FTSJ1: variants seen among roughly 807,000 people sequenced by gnomAD.
The protein encoded by FTSJ1 is FtsJ RNA 2'-O-methyltransferase 1, also known as tRNA (cytidine(32)/guanosine(34)-2'-O)-methyltransferase.
In FTSJ1, 3 loss-of-function variants were observed where a neutral mutation model predicts 28.5. That is an observed-to-expected ratio of 0.11 (90% CI 0.05 to 0.27). FTSJ1 has a LOEUF of 0.27. Ranked by LOEUF, FTSJ1 falls within the 10% of genes least tolerant of loss-of-function variation. The pLI is 1.00. For synonymous variants in FTSJ1, 104 were observed against 113.9 expected, an observed-to-expected ratio of 0.91 and a Z score of 0.55; for missense variants, 162 against 279.0, an observed-to-expected ratio of 0.58 and a Z score of 2.99.
chrX:48,478,938 T>C, intron 4 of FTSJ1, 100 bp from the exon 5 acceptor site: 5 of 680,984 alleles, frequency 7.3e-6, no homozygotes, highest in Non-Finnish European at 1.2e-5. Flanking sequence ...AGCCTGGGAA[T>C]TTGGCTGACC....
intron 1 of FTSJ1, among the ~76,000 whole-genome samples, chrX:48,477,200 A>T (rs782318686): frequency 9.9e-5 from 11 of 111,268 alleles, no homozygotes; most frequent in Middle Eastern, 4.7e-3. Flanking sequence ...TGATGGATCC[A>T]TGGAGAGCAG....
At chrX:48,479,434 A>G (rs1395443081) in intron 5 of FTSJ1, among the ~76,000 whole-genome samples, 3 of 112,754 alleles carry the variant, frequency 2.7e-5, no homozygotes, top group Non-Finnish European at 5.6e-5. Context: ...TTCAACACAC[A>G]TTTACTGAGC....
rs963380660 is a variant in FTSJ1 at position 48,486,101 on chromosome X, C to T, written c.*375C>T. The T allele has an allele frequency of 1.8e-5, 2 of 112,130 alleles. No individual in the cohort carries two copies. The highest frequency in any genetic ancestry group is 6.5e-5 in the African/African-American group (2 of 30,813). The allele number at this position is 112,130 out of a possible 1,213,427, so 9.2% of individuals were successfully genotyped here. ...AATGAAACTGAAATTTAGCCTTACT[C>T]CCAAGTTATAAATGCTGGCAACAAA... On this transcript the variant is annotated 3_prime_UTR_variant, in exon 13 of 13. Coordinates refer to ENST00000348411, the MANE Select transcript of FTSJ1 (RefSeq NM_012280.4).
At chrX:48,481,578 C>G in intron 8 of FTSJ1, 50 bp downstream of exon 8, 1 of 1,150,733 alleles carries the variant, frequency 8.7e-7, no homozygotes, top group East Asian at 3.0e-5. Flanking sequence ...TCTGGGACGC[C>G]GACTGCACGA....
chrX:48,482,710 C>T lies in FTSJ1; in HGVS notation c.873C>T (p.Arg291=), dbSNP rs1556969049. The T allele has an allele frequency of 1.7e-6, 2 of 1,208,512 alleles. No homozygotes were observed. Among genetic ancestry groups the T allele is most frequent in the Non-Finnish European group, 2.2e-6 (2 of 893,680 alleles). The change falls in exon 11 of 13, where the codon CGC becomes CGT. Residue 291 remains arginine (R), a synonymous_variant. Transcript: ENST00000348411. The part of the protein sequence containing the change: ...KRKGQLAKEI[R]PQDCPISRVD... ...AGGGGCAGCTGGCCAAGGAGATCCG[C>T]CCCCAGGACTGCCCCATCAGCAGAG... is the stretch of plus-strand genomic sequence containing the variant.
chrX:48,484,780 T>C (rs1163239686), intron 12 of FTSJ1, among the ~76,000 whole-genome samples: 4 of 112,040 alleles, frequency 3.6e-5, no homozygotes, highest in African/African-American at 1.3e-4. Flanking sequence ...TGTAAATCAA[T>C]AAGGAAAAAC....
intron 1 of FTSJ1, among the ~76,000 whole-genome samples, chrX:48,476,856 G>A (rs782487028): frequency 9.0e-6 from 1 of 111,216 alleles, no homozygotes; most frequent in South Asian, 3.8e-4. Flanking sequence ...AGTGATGGAT[G>A]GGAAAATGAT....
At position 48,482,748 on chromosome X, in the gene FTSJ1, C is replaced by T. The variant is rs1244802952; in HGVS notation, c.911C>T (p.Pro304Leu). 8.3e-7 allele frequency: 1 copy of T among 1,207,132 alleles called. No homozygotes were observed. Among genetic ancestry groups the T allele is most frequent in the Non-Finnish European group, 1.1e-6 (1 of 893,967 alleles). The change falls in exon 11 of 13, where the codon CCC (proline) becomes CTC (leucine). Residue 304 changes from proline (P) to leucine (L), a missense_variant. Coordinates refer to ENST00000348411, the MANE Select transcript of FTSJ1 (RefSeq NM_012280.4). The part of the protein sequence containing the change: ...DCPISRVDTF[P>L]QPLAAPQCHT... ...CCCATCAGCAGAGTGGACACGTTTC[C>T]CCAGCCCCTGGCCGCCCCTCAGTGC...
intron 1 of FTSJ1, among the ~76,000 whole-genome samples, chrX:48,477,464 G>A (rs994975590): frequency 3.6e-5 from 4 of 111,411 alleles, no homozygotes; most frequent in Admixed American, 9.6e-5. Context: ...GATTAATGGC[G>A]AATGGGGTGA....
At chrX:48,481,737 AC>A (rs1556968697) in intron 9 of FTSJ1, 22 bp downstream of exon 9, 1 of 949,785 alleles carries the variant, frequency 1.1e-6, no homozygotes, top group Non-Finnish European at 1.5e-6. Context: ...AGCATGGGCC[AC>A]CCTGGGGGAC....
chrX:48,483,803 AG>A (rs2061584421), intron 12 of FTSJ1, among the ~76,000 whole-genome samples: 1 of 110,683 alleles, frequency 9.0e-6, no homozygotes, highest in Non-Finnish European at 1.9e-5. Flanking sequence ...ACTTTTTAAA[AG>A]GGTTGTCATA....
chrX:48,485,026 C>G lies in FTSJ1; in HGVS notation c.*10-710C>G, dbSNP rs545933684. On this transcript the variant is annotated intron_variant, in intron 12 of 12. Coordinates refer to ENST00000348411, the MANE Select transcript of FTSJ1 (RefSeq NM_012280.4). ...GAGTCCTAGAGGCCGGGTGCCGTGG[C>G]TCAACGCCTGTAATCCCAGCACTTT... Among the ~76,000 whole-genome samples the G allele has an allele frequency of 3.6e-5, 4 of 111,867 alleles. No homozygotes were observed. In the South Asian group the frequency reaches 1.1e-3, roughly 31 times the overall value.
At chrX:48,481,800 C>A (rs1401027787) in intron 9 of FTSJ1, 85 bp downstream of exon 9, 1 of 627,979 alleles carries the variant, frequency 1.6e-6, no homozygotes, top group Non-Finnish European at 2.7e-6. Context: ...AGTCTCACCC[C>A]CTGGGGGAGG....
In FTSJ1 at chrX:48,477,997, T is replaced by C. The variant is rs782566596; in HGVS notation, c.-51T>C. On this transcript the variant is annotated 5_prime_UTR_variant, in exon 2 of 13. Transcript: ENST00000348411. ...AGCCCATTCATCTGGTTACTGATACTGGCCGGCATCAGTGGACTGTCGGCA... is the reference window on the plus strand; with the variant it reads ...AGCCCATTCATCTGGTTACTGATACCGGCCGGCATCAGTGGACTGTCGGCA... 2.8e-5 allele frequency: 34 copies of C among 1,210,043 alleles called. No individual in the cohort carries two copies. In the East Asian group the frequency reaches 9.8e-4, roughly 35 times the overall value.
At position 48,483,084 on chromosome X, in the gene FTSJ1, C is replaced by T. The variant is rs1396746042; in HGVS notation, c.*9+57C>T. 9.5e-6 allele frequency: 9 copies of T among 947,368 alleles called. No homozygotes were observed. The Admixed American group carries it at 1.6e-4, about 17-fold the overall frequency. 78.1% of individuals were successfully genotyped at this position (947,368 alleles called of 1,213,427 possible). On this transcript the variant is annotated intron_variant, in intron 12 of 12. Transcript: ENST00000348411. Reference sequence around the variant, plus strand: ...TAAGGGCAACCTTTATGAAAAACCTCAGTAAAATTTCACCTTTGAAATTTT... The same window carrying T: ...TAAGGGCAACCTTTATGAAAAACCTTAGTAAAATTTCACCTTTGAAATTTT...
chrX:48,483,811 C>A (rs1346519193), intron 12 of FTSJ1, among the ~76,000 whole-genome samples: 1 of 110,526 alleles, frequency 9.0e-6, no homozygotes, highest in Admixed American at 9.7e-5. Flanking sequence ...AAAGGGTTGT[C>A]ATAGAAGGCC....
chrX:48,481,111 GC>G, intron 5 of FTSJ1, 39 bp from the exon 6 acceptor site: 1 of 1,142,567 alleles, frequency 8.8e-7, no homozygotes, highest in Non-Finnish European at 1.2e-6. Flanking sequence ...GATGCACAGA[GC>G]CAGATGGGAC....
In FTSJ1 at chrX:48,478,074, G is replaced by A; in HGVS notation, c.27G>A (p.Arg9=). The change falls in exon 2 of 13, where the codon CGG becomes CGA. Residue 9 remains arginine, a synonymous_variant. Transcript: ENST00000348411. ...TGGGACGGACGTCAAAGGACAAGCGGGATGTCTACTACCGCCTGGCCAAGG... is the reference window on the plus strand; with the variant it reads ...TGGGACGGACGTCAAAGGACAAGCGAGATGTCTACTACCGCCTGGCCAAGG... MGRTSKDK[R]DVYYRLAKEN... 2.5e-6 allele frequency: 3 copies of A among 1,211,172 alleles called. No homozygotes were observed. Among genetic ancestry groups the A allele is most frequent in the Non-Finnish European group, 3.4e-6 (3 of 894,763 alleles).
intron 4 of FTSJ1, 113 bp from the exon 5 acceptor site, chrX:48,478,925 C>A: frequency 1.6e-6 from 1 of 635,024 alleles, no homozygotes; most frequent in Non-Finnish European, 2.6e-6. Flanking sequence ...CTTAGAGAGG[C>A]AAAGCCTGGG....
Sources: allele counts gnomAD v4.1 joint callset (sites outside exome capture counted in the v4.1 genomes callset), GRCh38; gene constraint gnomAD v4.1.1; transcripts MANE v1.5; gene names NCBI Gene and HGNC (gene_info 2026-07-23, HGNC 2026-07-21).